RBFOX1: variants seen among roughly 807,000 people sequenced by gnomAD.
The protein encoded by RBFOX1 is RNA binding fox-1 homolog 1.
Under a neutral mutation model 57.7 loss-of-function variants are expected in RBFOX1, and 8 were observed. The ratio of observed to expected loss-of-function variants is 0.14; its 90% confidence interval spans 0.08 to 0.25. The LOEUF is 0.25. Ranked by LOEUF, RBFOX1 falls within the 10% of genes least tolerant of loss-of-function variation. The probability of loss-of-function intolerance (pLI) is 1.00; values close to 1 mark genes in which losing one functional copy is unlikely to be tolerated. For synonymous variants in RBFOX1, 326 were observed against 222.4 expected (o/e 1.47, Z -4.15); for missense variants, 611 against 548.5 (o/e 1.11, Z -1.14).
intron 1 of RBFOX1, among the ~76,000 whole-genome samples, chr16:6,159,305 G>C (rs138962984): frequency 2.0e-5 from 3 of 152,112 alleles, no homozygotes; most frequent in Admixed American, 2.0e-4. Context: ...TTGAACTCCT[G>C]ACCTCAGGTG....
In RBFOX1 at chr16:6,817,368, T is replaced by C. The variant is rs367964556; in HGVS notation, c.-16+162718T>C. On this transcript the variant is annotated intron_variant, in intron 3 of 15. Coordinates refer to ENST00000550418, the MANE Select transcript of RBFOX1 (RefSeq NM_018723.4). Reference sequence around the variant, plus strand: ...GTTAGCTGCGTGTGTCACCCTTCTTTAGTGTCTCATGGTAGAAATAATTCA... The same window carrying C: ...GTTAGCTGCGTGTGTCACCCTTCTTCAGTGTCTCATGGTAGAAATAATTCA... Among the ~76,000 whole-genome samples, 7 of 152,146 alleles carry C rather than the reference T, an allele frequency of 4.6e-5. No homozygotes were observed. The South Asian group carries it at 1.2e-3, about 27-fold the overall frequency.
rs546993363 is a variant in RBFOX1, at chr16:5,413,769, C to A, written c.220-53447C>A. Among the ~76,000 whole-genome samples, 3 of 152,062 alleles carry A rather than the reference C, an allele frequency of 2.0e-5. No homozygotes were observed. The East Asian group carries it at 5.8e-4, about 29-fold the overall frequency. ...AGGAAAAGTAGTAGGTGCAGAATTA[C>A]GAAAAGAGTCCTAAAGGAGACCGGT... On this transcript the variant is annotated intron_variant, in intron 1 of 2. Coordinates refer to the RBFOX1 transcript ENST00000585867.
intron 2 of RBFOX1, among the ~76,000 whole-genome samples, chr16:6,439,658 T>C (rs2094325867): frequency 6.6e-6 from 1 of 152,272 alleles, no homozygotes; most frequent in African/African-American, 2.4e-5. Flanking sequence ...GGCTCAGAAC[T>C]ACTTCTAGTT....
At chr16:5,711,726 A>T (rs1184882185) in intron 3 of RBFOX1, among the ~76,000 whole-genome samples, 3 of 152,208 alleles carry the variant, frequency 2.0e-5, no homozygotes, top group Non-Finnish European at 4.4e-5. Flanking sequence ...GGAATTCAAT[A>T]AAAGGTGGTA....
At chr16:5,884,915 C>A (rs1203930599) in intron 4 of RBFOX1, among the ~76,000 whole-genome samples, 1 of 152,124 alleles carries the variant, frequency 6.6e-6, no homozygotes, top group Non-Finnish European at 1.5e-5. Flanking sequence ...CACTCAGAAT[C>A]TCTTTAGACT....
chr16:7,442,199 G>A (rs930966519), intron 4 of RBFOX1, among the ~76,000 whole-genome samples: 2 of 151,986 alleles, frequency 1.3e-5, no homozygotes, highest in Non-Finnish European at 1.5e-5. Context: ...CCAGAGCTCC[G>A]GCTTGGTCCT....
chr16:7,031,927 C>T (rs1169871589), intron 3 of RBFOX1, among the ~76,000 whole-genome samples: 3 of 152,132 alleles, frequency 2.0e-5, no homozygotes, highest in Admixed American at 1.3e-4. Context: ...GCCCTGCTTT[C>T]TTCCAGCAGC....
At chr16:6,660,493 C>T (rs917346919) in intron 3 of RBFOX1, among the ~76,000 whole-genome samples, 1 of 152,096 alleles carries the variant, frequency 6.6e-6, no homozygotes. Flanking sequence ...TATCATGAGG[C>T]CACGATTTGA....
At chr16:6,957,404 C>A (rs1336399313) in intron 3 of RBFOX1, among the ~76,000 whole-genome samples, 1 of 149,590 alleles carries the variant, frequency 6.7e-6, no homozygotes, top group Non-Finnish European at 1.5e-5. Flanking sequence ...TCACGCTCAG[C>A]CGGTTATTTC....
Position 7,029,302 on chromosome 16 carries a change from ATATG to A in RBFOX1, c.-15-22751_-15-22748del, listed in dbSNP as rs1568442407. Among the ~76,000 whole-genome samples, 29 of 145,488 alleles carry A rather than the reference ATATG, an allele frequency of 2.0e-4. 3 individuals are homozygous for A. Among genetic ancestry groups the A allele is most frequent in the African/African-American group, 6.1e-4 (24 of 39,638 alleles). On this transcript the variant is annotated intron_variant, in intron 3 of 15. Coordinates refer to ENST00000550418, the MANE Select transcript of RBFOX1 (RefSeq NM_018723.4). ...TATATATACACATATATATATACGT[ATATG>A]TATATATATATAAAATCAAGAAGAG...
intron 3 of RBFOX1, among the ~76,000 whole-genome samples, chr16:7,013,338 A>C (rs1259088028): frequency 6.6e-6 from 1 of 152,180 alleles, no homozygotes; most frequent in African/African-American, 2.4e-5. Flanking sequence ...TTATACGTGC[A>C]ATAAACATAA....
At chr16:6,289,065 T>C (rs1221862527) in intron 1 of RBFOX1, among the ~76,000 whole-genome samples, 2 of 152,122 alleles carry the variant, frequency 1.3e-5, no homozygotes. Context: ...ATGCCCTTGA[T>C]TTGTGTTCAA....
At chr16:5,852,536 A>G (rs548208041) in intron 3 of RBFOX1, among the ~76,000 whole-genome samples, 34 of 152,336 alleles carry the variant, frequency 2.2e-4, no homozygotes, top group African/African-American at 8.2e-4. Context: ...ATGGAGGTCA[A>G]TGCATAACTG....
chr16:5,702,412 C>T (rs1422240888), intron 3 of RBFOX1, among the ~76,000 whole-genome samples: 1 of 152,218 alleles, frequency 6.6e-6, no homozygotes, highest in Non-Finnish European at 1.5e-5. Flanking sequence ...CCCACCGTGT[C>T]CCTCCTTCAA....
chr16:6,985,832 T>TAAAAAAAAAAA (rs565941451), intron 3 of RBFOX1, among the ~76,000 whole-genome samples: 1,993 of 99,604 alleles, frequency 0.02, 123 homozygotes, highest in African/African-American at 0.086. Context: ...TGAGTTCATG[T>TAAAAAAAAAAA]AAAAAAAAAA....
intron 3 of RBFOX1, among the ~76,000 whole-genome samples, chr16:7,028,338 G>C (rs73538942): frequency 0.012 from 1,841 of 152,002 alleles, 43 homozygotes; most frequent in African/African-American, 0.042. Context: ...GCTCTGCCTG[G>C]GCTCAGGGCT....
intron 3 of RBFOX1, among the ~76,000 whole-genome samples, chr16:5,824,579 T>A (rs1386668705): frequency 3.3e-5 from 5 of 152,214 alleles, no homozygotes; most frequent in Non-Finnish European, 1.5e-5. Flanking sequence ...CCTGTCTGGC[T>A]GAGGTGTGGA....
chr16:6,381,981 A>G (rs1027742987), intron 2 of RBFOX1, among the ~76,000 whole-genome samples: 2 of 152,148 alleles, frequency 1.3e-5, no homozygotes, highest in African/African-American at 4.8e-5. Context: ...TTTCCTGTAA[A>G]GGGCCACACA....
chr16:7,150,583 G>T (rs184122384), intron 4 of RBFOX1, among the ~76,000 whole-genome samples: 1 of 152,268 alleles, frequency 6.6e-6, no homozygotes, highest in Non-Finnish European at 1.5e-5. Flanking sequence ...ATTACATTAC[G>T]TGGCTCACTT....
Sources: gnomAD v4.1 joint callset for allele counts (sites outside exome capture counted in the v4.1 genomes callset) on GRCh38, gnomAD v4.1.1 for gene constraint, MANE v1.5 for transcripts, NCBI Gene and HGNC (gene_info 2026-07-23, HGNC 2026-07-21) for gene names.